The following LRP1B variants were observed in gnomAD, a reference collection of about 807,000 sequenced individuals.
The protein encoded by LRP1B is low-density lipoprotein receptor-related protein 1B.
A neutral mutation model predicts 556.6 loss-of-function variants in LRP1B; 217 were observed. The observed-to-expected ratio is 0.39, with a 90% CI of 0.35 to 0.44. The LOEUF (loss-of-function observed/expected upper bound fraction) is 0.44. LRP1B is among the 20% of genes least tolerant of loss of function. The pLI is 1.00. For missense variants in LRP1B, 5,053 were observed against 5,620.8 expected (o/e 0.90, Z 3.23); for synonymous variants, 2,047 against 1,865.8 (o/e 1.10, Z -2.50).
chr2:141,085,767 G>A (rs1285314286), intron 7 of LRP1B, among the ~76,000 whole-genome samples: 1 of 152,166 alleles, frequency 6.6e-6, no homozygotes, highest in Non-Finnish European at 1.5e-5. Context: ...CTAATATACA[G>A]TCTATGCTCA....
chr2:141,743,757 G>A (rs1229199409), intron 2 of LRP1B, among the ~76,000 whole-genome samples: 1 of 151,792 alleles, frequency 6.6e-6, no homozygotes, highest in Non-Finnish European at 1.5e-5. Flanking sequence ...AGGAATTTCT[G>A]CATTTTTTCT....
intron 43 of LRP1B, among the ~76,000 whole-genome samples, chr2:140,572,885 T>C (rs1399937697): frequency 1.3e-5 from 2 of 151,864 alleles, no homozygotes; most frequent in African/African-American, 2.4e-5. Context: ...GACATTATTT[T>C]AAGTGAAATA....
At chr2:140,925,892 A>T (rs1463655372) in intron 20 of LRP1B, among the ~76,000 whole-genome samples, 1 of 151,970 alleles carries the variant, frequency 6.6e-6, no homozygotes, top group Non-Finnish European at 1.5e-5. Context: ...ATCTTTGAGG[A>T]GAGAGAGTAT....
At chr2:141,737,882 C>T (rs1292419697) in intron 2 of LRP1B, among the ~76,000 whole-genome samples, 1 of 152,120 alleles carries the variant, frequency 6.6e-6, no homozygotes, top group African/African-American at 2.4e-5. Flanking sequence ...TTTTTAGTTT[C>T]CATAGAAGCC....
At position 142,026,521 on chromosome 2, in the gene LRP1B, T is replaced by C. The variant is rs1431208764; in HGVS notation, c.82+104127A>G. Among the ~76,000 whole-genome samples, 3 of 152,100 alleles carry C rather than the reference T, an allele frequency of 2.0e-5. No individual in the cohort carries two copies. The East Asian group carries it at 5.8e-4, about 29-fold the overall frequency. On this transcript the variant is annotated intron_variant, in intron 1 of 90. Transcript: ENST00000389484. Reference sequence around the variant, plus strand: ...GAGATATAGGTATACTTTTTTTCTATCTCAACAAACCTCTAGTGACTAAAT... The same window carrying C: ...GAGATATAGGTATACTTTTTTTCTACCTCAACAAACCTCTAGTGACTAAAT...
intron 32 of LRP1B, among the ~76,000 whole-genome samples, chr2:140,778,976 G>A (rs544532317): frequency 1.3e-5 from 2 of 151,650 alleles, no homozygotes; most frequent in African/African-American, 4.8e-5. Context: ...TAATGTTTAA[G>A]TGAATTTGTA....
At chr2:142,068,271 G>C (rs1026884443) in intron 1 of LRP1B, among the ~76,000 whole-genome samples, 2 of 118,028 alleles carry the variant, frequency 1.7e-5, no homozygotes, top group Admixed American at 2.0e-4. Context: ...AAATACCATA[G>C]GTGCTTTTAC....
chr2:141,872,684 A>G (rs1698626955), intron 1 of LRP1B, among the ~76,000 whole-genome samples: 1 of 151,886 alleles, frequency 6.6e-6, no homozygotes, highest in African/African-American at 2.4e-5. Context: ...CAATAAAACA[A>G]TTATATTGTA....
chr2:141,620,331 G>C (rs1168359315), intron 2 of LRP1B, among the ~76,000 whole-genome samples: 1 of 152,222 alleles, frequency 6.6e-6, no homozygotes, highest in Non-Finnish European at 1.5e-5. Context: ...GACATACACT[G>C]TCCCTCTCTT....
chr2:141,766,348 C>T (rs1694732719), intron 2 of LRP1B, among the ~76,000 whole-genome samples: 1 of 152,100 alleles, frequency 6.6e-6, no homozygotes, highest in African/African-American at 2.4e-5. Context: ...TCCAATGATT[C>T]TCTGGTCACA....
At chr2:142,020,274 G>C (rs1414949405) in intron 1 of LRP1B, among the ~76,000 whole-genome samples, 2 of 152,122 alleles carry the variant, frequency 1.3e-5, no homozygotes, top group Non-Finnish European at 2.9e-5. Flanking sequence ...ATGATATGAA[G>C]GTCCAGATGT....
chr2:141,378,115 G>A (rs1190370707), intron 3 of LRP1B, among the ~76,000 whole-genome samples: 1 of 152,096 alleles, frequency 6.6e-6, no homozygotes, highest in East Asian at 1.9e-4. Context: ...GCCATAGCAA[G>A]CAACAAAAGA....
At chr2:141,717,759 C>T (rs1692661224) in intron 2 of LRP1B, among the ~76,000 whole-genome samples, 1 of 152,188 alleles carries the variant, frequency 6.6e-6, no homozygotes, top group South Asian at 2.1e-4. Context: ...CAGTCTACTG[C>T]TGCTATTGAG....
At chr2:141,874,778 C>T (rs1271375647) in intron 1 of LRP1B, among the ~76,000 whole-genome samples, 3 of 151,864 alleles carry the variant, frequency 2.0e-5, no homozygotes, top group East Asian at 3.9e-4. Context: ...TAGTTAATTC[C>T]TGCTTTTTAT....
At chr2:141,146,860 G>A (rs535362298) in intron 7 of LRP1B, among the ~76,000 whole-genome samples, 65 of 152,224 alleles carry the variant, frequency 4.3e-4, no homozygotes, top group Non-Finnish European at 8.4e-4. Flanking sequence ...CAAGTAAAAA[G>A]ACGAGCTGTG....
chr2:141,998,865 G>T (rs1702575888), intron 1 of LRP1B, among the ~76,000 whole-genome samples: 1 of 152,112 alleles, frequency 6.6e-6, no homozygotes, highest in Non-Finnish European at 1.5e-5. Flanking sequence ...TACAGATGAA[G>T]CCTCCAGGTA....
intron 31 of LRP1B, among the ~76,000 whole-genome samples, chr2:140,829,961 T>C (rs1263458921): frequency 2.0e-5 from 3 of 151,914 alleles, no homozygotes; most frequent in African/African-American, 7.3e-5. Flanking sequence ...AAATAATCAT[T>C]AGGGACTATT....
At chr2:140,623,197 C>T (rs1437229764) in intron 41 of LRP1B, among the ~76,000 whole-genome samples, 2 of 152,070 alleles carry the variant, frequency 1.3e-5, no homozygotes, top group African/African-American at 4.8e-5. Flanking sequence ...CTAGACAGTC[C>T]TGTGTTTCAC....
intron 66 of LRP1B, among the ~76,000 whole-genome samples, chr2:140,416,260 G>A (rs1367556420): frequency 2.6e-5 from 4 of 152,200 alleles, no homozygotes; most frequent in African/African-American, 9.7e-5. Flanking sequence ...AATGCCTGAT[G>A]ATTTGAGGTG....
Sources: allele counts gnomAD v4.1 joint callset (sites outside exome capture counted in the v4.1 genomes callset), GRCh38; gene constraint gnomAD v4.1.1; transcripts MANE v1.5; gene names NCBI Gene and HGNC (gene_info 2026-07-23, HGNC 2026-07-21).